Variants in LAMA1 observed in about 807,000 individuals in gnomAD.
The protein encoded by LAMA1 is laminin subunit alpha 1.
LAMA1 carries 219 observed loss-of-function variants against 348.7 expected under a neutral mutation model. The observed-to-expected ratio is 0.63, with a 90% CI of 0.56 to 0.70. The LOEUF is 0.70. Among genes scored for constraint, LAMA1 ranks in the 30% least tolerant of loss-of-function variants. The pLI is 0.00. For synonymous variants in LAMA1, 1,487 were observed against 1,491.0 expected (o/e 1.00, Z 0.06); for missense variants, 3,744 against 3,888.0 (o/e 0.96, Z 0.99).
intron 36 of LAMA1, among the ~76,000 whole-genome samples, chr18:6,991,578 A>G (rs1802081815): frequency 6.6e-6 from 1 of 151,722 alleles, no homozygotes; most frequent in African/African-American, 2.4e-5. Context: ...TTTAGTAGAG[A>G]CGGGTTTTGC....
chr18:7,105,465 TAAATAAATAAATAAAC>T lies in LAMA1; in HGVS notation c.61+12179_61+12194del, dbSNP rs1416504607. 7.9e-4 allele frequency among the ~76,000 whole-genome samples: 116 copies of T among 146,444 alleles called. 2 individuals are homozygous for T. The highest frequency in any genetic ancestry group is 2.7e-3 in the African/African-American group (104 of 38,376). ...AAAAATAAATAAATAAATAAATAAA[TAAATAAATAAATAAAC>T]AAACAAGAGCAGAAGAGGACAGGAG... On this transcript the variant is annotated intron_variant, in intron 1 of 62. Transcript: ENST00000389658.
intron 55 of LAMA1, chr18:6,957,112 C>T: frequency 5.7e-6 from 2 of 349,584 alleles, no homozygotes; most frequent in South Asian, 4.7e-5. Flanking sequence ...TTCCCAAGCG[C>T]TGCACAGTGA....
At chr18:7,086,715 G>A (rs2143794634) in intron 1 of LAMA1, among the ~76,000 whole-genome samples, 1 of 152,296 alleles carries the variant, frequency 6.6e-6, no homozygotes, top group East Asian at 1.9e-4. Flanking sequence ...AGATCCCTCT[G>A]CCTCTCCCTC....
chr18:7,096,871 G>A (rs1238080864), intron 1 of LAMA1, among the ~76,000 whole-genome samples: 2 of 152,166 alleles, frequency 1.3e-5, no homozygotes, highest in Non-Finnish European at 2.9e-5. Context: ...AGGAAAAGCT[G>A]CTAGAGTTTT....
intron 30 of LAMA1, among the ~76,000 whole-genome samples, chr18:7,001,626 A>T (rs2057808138): frequency 6.6e-6 from 1 of 152,200 alleles, no homozygotes; most frequent in African/African-American, 2.4e-5. Flanking sequence ...CCAAGAGTTA[A>T]CATTTGATCT....
At chr18:7,080,158 A>G (rs2058187139) in intron 2 of LAMA1, 71 bp from the exon 3 acceptor site, 1 of 1,557,610 alleles carries the variant, frequency 6.4e-7, no homozygotes, top group African/African-American at 1.4e-5. Context: ...TCTAAACCGT[A>G]ATGCTAGTGG....
intron 42 of LAMA1, among the ~76,000 whole-genome samples, chr18:6,979,142 C>T (rs974419123): frequency 4.0e-5 from 6 of 151,858 alleles, no homozygotes; most frequent in African/African-American, 9.7e-5. Context: ...CAAATAAAAA[C>T]GTTATTAAGC....
chr18:6,951,893 G>C (rs1466815970), intron 57 of LAMA1, among the ~76,000 whole-genome samples: 1 of 152,224 alleles, frequency 6.6e-6, no homozygotes, highest in Non-Finnish European at 1.5e-5. Flanking sequence ...TTGTGCCCGC[G>C]GCAACGGCAA....
intron 31 of LAMA1, 120 bp downstream of exon 31, chr18:6,999,791 T>G: frequency 1.7e-6 from 2 of 1,183,994 alleles, no homozygotes; most frequent in Non-Finnish European, 2.5e-6. Flanking sequence ...CTTATTTCAA[T>G]CAAGCACATC....
intron 53 of LAMA1, among the ~76,000 whole-genome samples, chr18:6,960,994 T>C (rs984510990): frequency 6.6e-6 from 1 of 152,238 alleles, no homozygotes; most frequent in Admixed American, 6.5e-5. Context: ...ATTAAGACAG[T>C]GTGCTAACAT....
Position 6,974,997 on chromosome 18 carries a change from C to T in LAMA1, c.6529G>A (p.Ala2177Thr). 6.2e-7 allele frequency: 1 copy of T among 1,613,984 alleles called. No homozygotes were observed. The highest frequency in any genetic ancestry group is 1.3e-5 in the African/African-American group (1 of 74,998). Residue 2177 changes from alanine to threonine, a missense_variant, in exon 46 of 63, where the codon GCC becomes ACC. Transcript: ENST00000389658. ...LAVEMRRGRV[A>T]FLWDLGSGST... Reference sequence around the variant, plus strand: ...CCGGAGCCCAGGTCCCACAGGAAGGCCACTCTCCCTCGCCGCATCTCCACT... The same window carrying T: ...CCGGAGCCCAGGTCCCACAGGAAGGTCACTCTCCCTCGCCGCATCTCCACT...
chr18:6,946,273 A>T (rs2057521007), intron 61 of LAMA1, among the ~76,000 whole-genome samples: 1 of 152,124 alleles, frequency 6.6e-6, no homozygotes. Flanking sequence ...TCTCATAAGG[A>T]TACCTACTGC....
At chr18:7,116,176 G>C (rs549995078) in intron 1 of LAMA1, among the ~76,000 whole-genome samples, 1 of 152,306 alleles carries the variant, frequency 6.6e-6, no homozygotes, top group East Asian at 1.9e-4. Context: ...CAGGCCAAGT[G>C]CCGAGCCCCG....
In LAMA1 at chr18:6,961,935, T is replaced by C. The variant is rs776904264; in HGVS notation, c.7452+10A>G. ...AAACTCATTTGAACATTAATAACAATGTTTCCTACCTCCAGTAAACAGCCT... is the reference window on the plus strand; with the variant it reads ...AAACTCATTTGAACATTAATAACAACGTTTCCTACCTCCAGTAAACAGCCT... On this transcript the variant is annotated intron_variant, in intron 52 of 62. Coordinates refer to ENST00000389658, the MANE Select transcript of LAMA1 (RefSeq NM_005559.4). 1.9e-6 allele frequency: 3 copies of C among 1,606,038 alleles called. No individual in the cohort carries two copies. Among genetic ancestry groups the C allele is most frequent in the East Asian group, 2.2e-5 (1 of 44,832 alleles).
intron 55 of LAMA1, 32 bp from the exon 56 acceptor site, chr18:6,956,797 T>A: frequency 1.2e-6 from 2 of 1,613,550 alleles, no homozygotes; most frequent in Non-Finnish European, 1.7e-6. Flanking sequence ...TTTTCAAAAT[T>A]AGGATATCAC....
rs1351069120 is a variant in LAMA1 at position 7,008,501 on chromosome 18, C to A, written c.4109G>T (p.Gly1370Val). The change falls in exon 28 of 63, where the codon GGA becomes GTA. Residue 1370 changes from glycine to valine, a missense_variant. Gly to Val is a moderately radical substitution (Grantham distance 109). Transcript: ENST00000389658. ...ENCVCPPGTV[G>V]FSCQDCAPGY... ...GAGTCTCCGTACCTGACATGAGAATCCCACAGTGCCAGGAGGACAGACACA... is the reference window on the plus strand; with the variant it reads ...GAGTCTCCGTACCTGACATGAGAATACCACAGTGCCAGGAGGACAGACACA... The A allele has an allele frequency of 1.9e-6, 3 of 1,613,928 alleles. No homozygotes were observed. The highest frequency in any genetic ancestry group is 1.7e-6 in the Non-Finnish European group (2 of 1,179,982).
chr18:6,980,683 A>G, intron 41 of LAMA1, 46 bp from the exon 42 acceptor site: 2 of 1,211,120 alleles, frequency 1.7e-6, no homozygotes, highest in Non-Finnish European at 1.2e-6. Context: ...AGCCTACAAA[A>G]AAGTTGCCTA....
At chr18:7,097,588 G>C (rs2058267333) in intron 1 of LAMA1, among the ~76,000 whole-genome samples, 1 of 145,410 alleles carries the variant, frequency 6.9e-6, no homozygotes, top group African/African-American at 2.6e-5. Context: ...TTTAGAAAAA[G>C]TTAACAAAGT....
chr18:7,106,322 G>T (rs984938994), intron 1 of LAMA1, among the ~76,000 whole-genome samples: 2 of 151,682 alleles, frequency 1.3e-5, no homozygotes, highest in African/African-American at 2.4e-5. Context: ...TAACTGAGTG[G>T]TTCTCAACCC....
Sources: gnomAD v4.1 joint callset for allele counts (sites outside exome capture counted in the v4.1 genomes callset) on GRCh38, gnomAD v4.1.1 for gene constraint, MANE v1.5 for transcripts, NCBI Gene and HGNC (gene_info 2026-07-23, HGNC 2026-07-21) for gene names.